Variants in AFF3 observed in about 807,000 individuals in gnomAD.
AFF3 encodes the protein ALF transcription elongation factor 3, also known as AF4/FMR2 family member 3.
AFF3 carries 32 observed loss-of-function variants against 129.7 expected under a neutral mutation model. The ratio of observed to expected loss-of-function variants is 0.25; its 90% CI spans 0.19 to 0.33. The LOEUF is 0.33. Ranked by LOEUF, AFF3 falls within the 10% of genes least tolerant of loss-of-function variation. The probability of loss-of-function intolerance (pLI) is 1.00; values close to 1 mark genes in which losing one functional copy is unlikely to be tolerated. For missense variants in AFF3, 1,373 were observed against 1,592.0 expected (o/e 0.86, Z 2.34); for synonymous variants, 644 against 635.4 (o/e 1.01, Z -0.20).
chr2:100,017,046 C>T (rs1306830858), intron 4 of AFF3, among the ~76,000 whole-genome samples: 5 of 141,428 alleles, frequency 3.5e-5, no homozygotes, highest in Admixed American at 7.0e-5. Flanking sequence ...GTGATGATGA[C>T]GATGCTGGTG....
At chr2:100,033,894 TA>T (rs1484039241) in intron 4 of AFF3, among the ~76,000 whole-genome samples, 5 of 152,194 alleles carry the variant, frequency 3.3e-5, no homozygotes, top group Non-Finnish European at 5.9e-5. Context: ...AACCTCTAAC[TA>T]AAGTCATATG....
chr2:99,834,369 G>C (rs923269364), intron 8 of AFF3, among the ~76,000 whole-genome samples: 1 of 152,184 alleles, frequency 6.6e-6, no homozygotes. Flanking sequence ...TGAAGCAGCT[G>C]TGAGGGTTAA....
chr2:99,720,404 C>G (rs1304701008), intron 11 of AFF3, among the ~76,000 whole-genome samples: 1 of 152,198 alleles, frequency 6.6e-6, no homozygotes, highest in Non-Finnish European at 1.5e-5. Flanking sequence ...CAGACCATCT[C>G]TTAGGTTTCC....
At chr2:100,133,718 G>T (rs569727164) in intron 1 of AFF3, among the ~76,000 whole-genome samples, 1 of 152,164 alleles carries the variant, frequency 6.6e-6, no homozygotes, top group Non-Finnish European at 1.5e-5. Context: ...AGATCATGAG[G>T]TCAGGAGATC....
chr2:99,674,525 A>G (rs775759953), intron 11 of AFF3, among the ~76,000 whole-genome samples: 48 of 152,158 alleles, frequency 3.2e-4, no homozygotes, highest in Non-Finnish European at 6.8e-4. Context: ...CTCCACTCCC[A>G]TGCCCTCTTT....
At chr2:99,568,758 G>T in intron 19 of AFF3, 94 bp downstream of exon 19, 1 of 1,265,276 alleles carries the variant, frequency 7.9e-7, no homozygotes, top group Non-Finnish European at 1.2e-6. Context: ...CCTTGTAATA[G>T]ATTTTATAAT....
chr2:99,739,326 CT>C (rs2105098547), intron 10 of AFF3, among the ~76,000 whole-genome samples: 2 of 152,200 alleles, frequency 1.3e-5, no homozygotes, highest in African/African-American at 4.8e-5. Context: ...GGTTTTATTA[CT>C]TTCGGCTTTC....
At chr2:99,832,500 T>C (rs952313968) in intron 8 of AFF3, among the ~76,000 whole-genome samples, 1 of 152,188 alleles carries the variant, frequency 6.6e-6, no homozygotes, top group African/African-American at 2.4e-5. Flanking sequence ...TGGCAAGCTG[T>C]TGGCCACAGC....
chr2:99,936,824 T>TC (rs1266479184), intron 7 of AFF3, among the ~76,000 whole-genome samples: 1 of 152,094 alleles, frequency 6.6e-6, no homozygotes, highest in Non-Finnish European at 1.5e-5. Flanking sequence ...CATGCATTTT[T>TC]CCCCCCTCAG....
intron 7 of AFF3, among the ~76,000 whole-genome samples, chr2:99,965,973 TTTTTA>T (rs1396795018): frequency 1.3e-5 from 2 of 152,194 alleles, no homozygotes; most frequent in Non-Finnish European, 2.9e-5. Flanking sequence ...ATACATGAGA[TTTTTA>T]TTTTGACTAG....
At chr2:99,954,167 TTTTTG>T (rs1467015947) in intron 7 of AFF3, among the ~76,000 whole-genome samples, 90 of 152,320 alleles carry the variant, frequency 5.9e-4, no homozygotes, top group African/African-American at 2.1e-3. Flanking sequence ...CAGTGATGTG[TTTTTG>T]TATACCTTTA....
chr2:100,104,870 C>A, intron 3 of AFF3: 1 of 417,876 alleles, frequency 2.4e-6, no homozygotes, highest in South Asian at 9.2e-5. Flanking sequence ...CCGGGAGGCG[C>A]GTGTGCGCGG....
At chr2:99,724,400 G>A (rs1223255595) in intron 11 of AFF3, among the ~76,000 whole-genome samples, 1 of 149,892 alleles carries the variant, frequency 6.7e-6, no homozygotes, top group African/African-American at 2.5e-5. Context: ...AGCCTCCCCA[G>A]TAGCTGGGAT....
intron 11 of AFF3, among the ~76,000 whole-genome samples, chr2:99,719,050 C>CTTTTTTTTTT (rs554515502): frequency 9.2e-6 from 1 of 108,184 alleles, no homozygotes; most frequent in Non-Finnish European, 1.8e-5. Context: ...CGCGCCCGGC[C>CTTTTTTTTTT]TTTTTTTTTT....
intron 11 of AFF3, among the ~76,000 whole-genome samples, chr2:99,696,662 T>G (rs1676300702): frequency 6.6e-6 from 1 of 152,138 alleles, no homozygotes. Flanking sequence ...ATTCTTTTTT[T>G]TTTTTCTTCT....
At chr2:99,774,943 C>T (rs1031349218) in intron 8 of AFF3, among the ~76,000 whole-genome samples, 1 of 152,178 alleles carries the variant, frequency 6.6e-6, no homozygotes, top group Non-Finnish European at 1.5e-5. Flanking sequence ...AGGACATGAA[C>T]AGACACTTCT....
At chr2:99,696,098 T>C (rs188690001) in intron 11 of AFF3, among the ~76,000 whole-genome samples, 15 of 152,010 alleles carry the variant, frequency 9.9e-5, no homozygotes, top group Admixed American at 5.2e-4. Context: ...CAGACAACAG[T>C]TAGCTGTCCA....
chr2:99,880,108 AT>A (rs1270632430), intron 7 of AFF3, among the ~76,000 whole-genome samples: 1 of 152,098 alleles, frequency 6.6e-6, no homozygotes. Context: ...AGGAGTAAAG[AT>A]TTTACTTTCC....
intron 4 of AFF3, among the ~76,000 whole-genome samples, chr2:100,014,105 C>A (rs1456640183): frequency 6.6e-6 from 1 of 151,548 alleles, no homozygotes; most frequent in Non-Finnish European, 1.5e-5. Flanking sequence ...CTGATGAAAT[C>A]TGATGAAATG....
Sources: allele counts gnomAD v4.1 joint callset (sites outside exome capture counted in the v4.1 genomes callset), GRCh38; gene constraint gnomAD v4.1.1; transcripts MANE v1.5; gene names NCBI Gene and HGNC (gene_info 2026-07-23, HGNC 2026-07-21).